The following UBE2R2 variants were observed in gnomAD, a reference collection of about 807,000 sequenced individuals.
UBE2R2 encodes ubiquitin conjugating enzyme E2 R2.
UBE2R2 carries 1 observed loss-of-function variant against 27.8 expected under a neutral mutation model. That is an observed-to-expected ratio of 0.04 (90% CI 0.01 to 0.17). The LOEUF (loss-of-function observed/expected upper bound fraction) is 0.17, where lower values mean the gene tolerates loss of function less well. UBE2R2 is among the 10% of genes least tolerant of loss of function. The pLI is 1.00. For missense variants in UBE2R2, 100 were observed against 291.0 expected (o/e 0.34, Z 4.78); for synonymous variants, 106 against 113.3 (o/e 0.94, Z 0.41).
At chr9:33,891,412 G>A (rs1217513083) in intron 2 of UBE2R2, among the ~76,000 whole-genome samples, 6 of 152,042 alleles carry the variant, frequency 3.9e-5, no homozygotes, top group African/African-American at 1.2e-4. Flanking sequence ...TTGGGAGGCC[G>A]AGGTAGGCGG....
At chr9:33,898,167 C>A (rs1224102613) in intron 2 of UBE2R2, among the ~76,000 whole-genome samples, 1 of 152,072 alleles carries the variant, frequency 6.6e-6, no homozygotes, top group Non-Finnish European at 1.5e-5. Flanking sequence ...CTCACTGTAA[C>A]CTCTGCCTCC....
At chr9:33,824,555 C>T (rs1385685025) in intron 1 of UBE2R2, among the ~76,000 whole-genome samples, 1 of 151,492 alleles carries the variant, frequency 6.6e-6, no homozygotes, top group Non-Finnish European at 1.5e-5. Flanking sequence ...AGGAGAATGG[C>T]GTGAACCCGG....
chr9:33,854,194 G>C (rs561591729), intron 1 of UBE2R2, among the ~76,000 whole-genome samples: 2 of 152,122 alleles, frequency 1.3e-5, no homozygotes, highest in Admixed American at 1.3e-4. Flanking sequence ...TAGTTAATGT[G>C]ATCTCTGTGA....
rs1304051500 is a variant in UBE2R2 at position 33,919,623 on chromosome 9, G to A, written c.*2386G>A. 1 of 152,208 alleles carries A rather than the reference G, an allele frequency of 6.6e-6. No individual in the cohort carries two copies. Among genetic ancestry groups the A allele is most frequent in the African/African-American group, 2.4e-5 (1 of 41,458 alleles). 9.4% of individuals were successfully genotyped at this position (152,208 alleles called of 1,614,324 possible). A position where few individuals can be genotyped will look rare whatever the true frequency, so the allele number is the denominator to read the frequency against. The stretch of plus-strand genomic sequence containing the variant: ...GACTGGGTAAGTCTCTTGCTAGCAG[G>A]TGGACATTCTGGTATTTTAGACTGA... On this transcript the variant is annotated 3_prime_UTR_variant, in exon 5 of 5. Coordinates refer to ENST00000263228, the MANE Select transcript of UBE2R2 (RefSeq NM_017811.4).
intron 3 of UBE2R2, 73 bp downstream of exon 3, chr9:33,900,344 G>A (rs765522274): frequency 1.4e-4 from 160 of 1,105,026 alleles, no homozygotes; most frequent in Non-Finnish European, 2.0e-4. Context: ...ATAAAATTAT[G>A]TATTGTCTTT....
chr9:33,916,307 C>G (rs1286916379), intron 4 of UBE2R2, among the ~76,000 whole-genome samples: 1 of 152,184 alleles, frequency 6.6e-6, no homozygotes, highest in Non-Finnish European at 1.5e-5. Flanking sequence ...CGCCGCTGCA[C>G]TCCAGCCTGG....
At chr9:33,856,842 C>G (rs1821113484) in intron 1 of UBE2R2, among the ~76,000 whole-genome samples, 1 of 150,364 alleles carries the variant, frequency 6.7e-6, no homozygotes, top group Non-Finnish European at 1.5e-5. Flanking sequence ...TCTGTCCGTC[C>G]TTCCATCCAT....
At chr9:33,823,096 G>A (rs912659212) in intron 1 of UBE2R2, among the ~76,000 whole-genome samples, 2 of 149,800 alleles carry the variant, frequency 1.3e-5, no homozygotes, top group Non-Finnish European at 3.0e-5. Flanking sequence ...AGTAGAGATG[G>A]GGTTTTGCCA....
chr9:33,886,447 G>A (rs1351455275), intron 1 of UBE2R2, among the ~76,000 whole-genome samples: 1 of 152,108 alleles, frequency 6.6e-6, no homozygotes, highest in Non-Finnish European at 1.5e-5. Context: ...ACAAGGTCAA[G>A]AGATTGAGAC....
intron 3 of UBE2R2, among the ~76,000 whole-genome samples, chr9:33,911,618 C>T (rs1250553259): frequency 6.6e-6 from 1 of 151,938 alleles, no homozygotes; most frequent in Non-Finnish European, 1.5e-5. Context: ...GAAACAGGGC[C>T]TTCTATCAAG....
chr9:33,900,639 C>T (rs1822222493), intron 3 of UBE2R2, among the ~76,000 whole-genome samples: 3 of 152,104 alleles, frequency 2.0e-5, no homozygotes, highest in Admixed American at 2.0e-4. Context: ...AGTCCATACG[C>T]TTTCACATTT....
intron 4 of UBE2R2, among the ~76,000 whole-genome samples, chr9:33,914,055 T>G (rs1260613500): frequency 6.6e-6 from 1 of 152,196 alleles, no homozygotes; most frequent in Non-Finnish European, 1.5e-5. Flanking sequence ...GGTCCGTTTA[T>G]CTCATTCTAT....
intron 1 of UBE2R2, among the ~76,000 whole-genome samples, chr9:33,862,705 T>G (rs752867573): frequency 5.3e-5 from 8 of 152,206 alleles, no homozygotes; most frequent in Non-Finnish European, 7.3e-5. Flanking sequence ...TTTGCCTGTT[T>G]TACTGTAGAA....
At chr9:33,859,253 T>G (rs1401572316) in intron 1 of UBE2R2, among the ~76,000 whole-genome samples, 1 of 152,230 alleles carries the variant, frequency 6.6e-6, no homozygotes, top group Non-Finnish European at 1.5e-5. Context: ...TACTATACTC[T>G]GTGTATTTTA....
At chr9:33,883,160 A>C (rs1213800340) in intron 1 of UBE2R2, among the ~76,000 whole-genome samples, 2 of 152,190 alleles carry the variant, frequency 1.3e-5, no homozygotes, top group African/African-American at 4.8e-5. Flanking sequence ...TTTTGGTGTC[A>C]CGTGTACAAA....
At chr9:33,853,943 A>G (rs1821035400) in intron 1 of UBE2R2, among the ~76,000 whole-genome samples, 1 of 150,914 alleles carries the variant, frequency 6.6e-6, no homozygotes, top group Non-Finnish European at 1.5e-5. Flanking sequence ...CCATCCTAGC[A>G]CCTCGGCCTC....
chr9:33,843,488 T>C (rs1429076810), intron 1 of UBE2R2, among the ~76,000 whole-genome samples: 1 of 152,030 alleles, frequency 6.6e-6, no homozygotes, highest in Admixed American at 6.6e-5. Context: ...CTTTTTTGTT[T>C]TTTTTTTTGA....
At chr9:33,903,598 C>G (rs1425445231) in intron 3 of UBE2R2, among the ~76,000 whole-genome samples, 1 of 152,160 alleles carries the variant, frequency 6.6e-6, no homozygotes. Flanking sequence ...TGCCTTATCT[C>G]AGCTTAAAGT....
At chr9:33,865,353 T>C (rs560482967) in intron 1 of UBE2R2, among the ~76,000 whole-genome samples, 201 of 152,054 alleles carry the variant, frequency 1.3e-3, no homozygotes, top group African/African-American at 4.5e-3. Context: ...TGCACCACCA[T>C]GCCCGGCTAA....
Sources: gnomAD v4.1 joint callset for allele counts (sites outside exome capture counted in the v4.1 genomes callset) on GRCh38, gnomAD v4.1.1 for gene constraint, MANE v1.5 for transcripts, NCBI Gene and HGNC (gene_info 2026-07-23, HGNC 2026-07-21) for gene names.